TMEM266: variants seen among roughly 807,000 people sequenced by gnomAD.
TMEM266 encodes the protein transmembrane protein 266, also known as Hv1 related protein 1.
Under a neutral mutation model 50.5 loss-of-function variants are expected in TMEM266, and 33 were observed. The observed-to-expected ratio is 0.65, with a 90% CI of 0.50 to 0.87. The LOEUF (loss-of-function observed/expected upper bound fraction) is 0.87, where lower values mean the gene tolerates loss of function less well. Among genes scored for constraint, TMEM266 ranks in the 40% least tolerant of loss-of-function variants. The pLI is 0.00. For missense variants in TMEM266, 655 were observed against 695.1 expected, an observed-to-expected ratio of 0.94 and a Z score of 0.65; for synonymous variants, 310 against 292.3, an observed-to-expected ratio of 1.06 and a Z score of -0.62.
At chr15:76,111,885 C>A (rs2142012076) in intron 1 of TMEM266, 1 of 152,332 alleles carries the variant, frequency 6.6e-6, no homozygotes, top group East Asian at 1.9e-4. Flanking sequence ...CCAACATGTT[C>A]TTCCATAGAT....
intron 3 of TMEM266, among the ~76,000 whole-genome samples, chr15:76,150,859 A>G (rs1465776600): frequency 3.3e-5 from 5 of 152,174 alleles, no homozygotes; most frequent in South Asian, 2.1e-4. Context: ...TTGTCAGTTC[A>G]TTTTCATATT....
intron 1 of TMEM266, among the ~76,000 whole-genome samples, chr15:76,125,669 G>A (rs574302713): frequency 3.9e-5 from 6 of 152,046 alleles, no homozygotes; most frequent in African/African-American, 1.2e-4. Flanking sequence ...CCAACATGGC[G>A]AAACCCCATC....
At position 76,192,055 on chromosome 15, in the gene TMEM266, G is replaced by T; in HGVS notation, c.856G>T (p.Val286Leu). Residue 286 changes from valine to leucine, a missense_variant, in exon 9 of 11, where the codon GTG (valine) becomes TTG (leucine). Physicochemically the swap from Val to Leu is conservative, Grantham distance 32. Coordinates refer to ENST00000388942, the MANE Select transcript of TMEM266 (RefSeq NM_152335.3). ...CGAAGCGGCGCTCCAGGCCCCGCAC[G>T]TGCTCAGCCAGCCGCGCAGCCGCTT... is the stretch of plus-strand genomic sequence containing the variant. 6.6e-7 allele frequency: 1 copy of T among 1,521,724 alleles called. No homozygotes were observed. The allele number at this position is 1,521,724 out of a possible 1,614,324, so 94.3% of individuals were successfully genotyped here.
intron 1 of TMEM266, among the ~76,000 whole-genome samples, chr15:76,084,767 A>G (rs2036749246): frequency 6.6e-6 from 1 of 150,978 alleles, no homozygotes; most frequent in Non-Finnish European, 1.5e-5. Flanking sequence ...TGCCCGGCTA[A>G]TTTTTTGTAT....
intron 1 of TMEM266, among the ~76,000 whole-genome samples, chr15:76,109,420 C>CA (rs908992384): frequency 2.6e-4 from 40 of 151,348 alleles, no homozygotes; most frequent in Middle Eastern, 3.4e-3. Context: ...AAAGAAAGGC[C>CA]AAAAAAAACA....
chr15:76,166,648 G>A lies in TMEM266; in HGVS notation c.457-3168G>A, dbSNP rs1007035685. 9.2e-5 allele frequency among the ~76,000 whole-genome samples: 14 copies of A among 152,164 alleles called. 1 individual carries two copies. Among genetic ancestry groups the A allele is most frequent in the Admixed American group, 5.2e-4 (8 of 15,274 alleles). ...CTGCTGGCTGAGTCCCACCCTGGCC[G>A]GCTCCCTCCACCCCTCACTCCTGGG... On this transcript the variant is annotated intron_variant, in intron 5 of 10. Coordinates refer to ENST00000388942, the MANE Select transcript of TMEM266 (RefSeq NM_152335.3).
Position 76,104,042 on chromosome 15 carries a change from C to T in TMEM266, c.-96-30126C>T, listed in dbSNP as rs568680750. Among the ~76,000 whole-genome samples the T allele has an allele frequency of 3.3e-5, 5 of 151,000 alleles. No individual in the cohort carries two copies. The East Asian group carries it at 9.9e-4, about 30-fold the overall frequency. On this transcript the variant is annotated intron_variant, in intron 1 of 10. Transcript: ENST00000388942. ...CTAACATGATGAAACCCCGTCTCTA[C>T]TAAAAATACAAAAAATTAGCTGGGC... is the stretch of plus-strand genomic sequence containing the variant.
intron 1 of TMEM266, among the ~76,000 whole-genome samples, chr15:76,126,208 G>C (rs2037420533): frequency 6.6e-6 from 1 of 151,648 alleles, no homozygotes; most frequent in African/African-American, 2.4e-5. Context: ...CCACTGCTGA[G>C]TGGGATTTCC....
In TMEM266 at chr15:76,169,929, A is replaced by G. The variant is rs2038162222; in HGVS notation, c.513+57A>G. On this transcript the variant is annotated intron_variant, in intron 6 of 10. Coordinates refer to ENST00000388942, the MANE Select transcript of TMEM266 (RefSeq NM_152335.3). ...ACTCTGCCATCCTGGAAGCTGGAAA[A>G]CGTCATGTCCCATCCATTCCAGGGT... The G allele has an allele frequency of 5.8e-6, 9 of 1,561,206 alleles. No homozygotes were observed. In the South Asian group the frequency reaches 1.0e-4, roughly 17 times the overall value.
At chr15:76,104,688 A>C (rs1173186034) in intron 1 of TMEM266, among the ~76,000 whole-genome samples, 1 of 152,170 alleles carries the variant, frequency 6.6e-6, no homozygotes, top group Admixed American at 6.5e-5. Context: ...TCGATTTCCC[A>C]GGGAAATGAG....
intron 1 of TMEM266, among the ~76,000 whole-genome samples, chr15:76,129,771 A>G (rs1253649428): frequency 6.6e-6 from 1 of 152,206 alleles, no homozygotes; most frequent in African/African-American, 2.4e-5. Flanking sequence ...AAGGTGAAAA[A>G]TGAGGTAGAG....
chr15:76,119,921 G>A (rs553326366), intron 1 of TMEM266, among the ~76,000 whole-genome samples: 12 of 152,268 alleles, frequency 7.9e-5, no homozygotes, highest in African/African-American at 2.6e-4. Context: ...ACAGTGCTCT[G>A]TGGGGAAGAG....
At chr15:76,100,942 G>C (rs1185170527) in intron 1 of TMEM266, among the ~76,000 whole-genome samples, 1 of 151,486 alleles carries the variant, frequency 6.6e-6, no homozygotes, top group East Asian at 1.9e-4. Flanking sequence ...TATCAGCTTA[G>C]GTTTTTAAGT....
At chr15:76,118,591 G>C (rs546914691) in intron 1 of TMEM266, among the ~76,000 whole-genome samples, 22 of 152,144 alleles carry the variant, frequency 1.4e-4, no homozygotes, top group Non-Finnish European at 2.8e-4. Context: ...GAGGGCAAGG[G>C]TTGCCTTATA....
intron 1 of TMEM266, among the ~76,000 whole-genome samples, chr15:76,095,056 C>T (rs2036903046): frequency 6.6e-6 from 1 of 152,056 alleles, no homozygotes; most frequent in South Asian, 2.1e-4. Context: ...ATGTCATCTG[C>T]AAACAGAGAC....
At chr15:76,079,593 G>A (rs2036654349) in intron 1 of TMEM266, among the ~76,000 whole-genome samples, 1 of 150,140 alleles carries the variant, frequency 6.7e-6, no homozygotes, top group Non-Finnish European at 1.5e-5. Context: ...TTCAAGACCA[G>A]CCTGGCCAAC....
At chr15:76,110,492 A>T (rs763921801) in intron 1 of TMEM266, among the ~76,000 whole-genome samples, 2 of 152,174 alleles carry the variant, frequency 1.3e-5, no homozygotes, top group Non-Finnish European at 2.9e-5. Context: ...TGTGTGGCCT[A>T]GGGAAGCCAA....
In TMEM266 at chr15:76,203,876, C is replaced by T. The variant is rs141978373; in HGVS notation, c.1157C>T (p.Ser386Leu). The T allele has an allele frequency of 6.8e-5, 110 of 1,614,212 alleles. No individual in the cohort carries two copies. In the East Asian group the frequency reaches 2.1e-3, roughly 31 times the overall value. Residue 386 changes from serine (S) to leucine (L), a missense_variant, in exon 11 of 11, where the codon TCG becomes TTG. Physicochemically the swap from Ser to Leu is moderately radical, Grantham distance 145. Around this residue, in one of 3 missense-constraint regions of TMEM266, gnomAD observed 455 missense variants for 401.8 expected, o/e 1.13. Coordinates refer to ENST00000388942, the MANE Select transcript of TMEM266 (RefSeq NM_152335.3). ...GGCGGTAATGGCACCAGCGCCACCT[C>T]GGAGAGTGCCTCCCGCAGCTCAGTC... is the stretch of plus-strand genomic sequence containing the variant.
At position 76,204,520 on chromosome 15, in the gene TMEM266, C is replaced by G; in HGVS notation, c.*205C>G. ...CCCAGAGCTGGCGCCTCTTCTCGCC[C>G]TGCTCAGGGGAGGGTGGTGCTCGTG... On this transcript the variant is annotated 3_prime_UTR_variant, in exon 11 of 11. Transcript: ENST00000388942. The G allele has an allele frequency of 4.0e-6, 2 of 503,398 alleles. No individual in the cohort carries two copies. Among genetic ancestry groups the G allele is most frequent in the Non-Finnish European group, 7.0e-6 (2 of 285,042 alleles). The allele number at this position is 503,398 out of a possible 1,614,324, so 31.2% of individuals were successfully genotyped here.
Sources: gnomAD v4.1 joint callset for allele counts (sites outside exome capture counted in the v4.1 genomes callset) on GRCh38, gnomAD v4.1.1 for gene constraint, gnomAD v4.1.1 regional missense constraint, MANE v1.5 for transcripts, NCBI Gene and HGNC (gene_info 2026-07-23, HGNC 2026-07-21) for gene names.